Variants in EIF4E2 observed in about 807,000 individuals in gnomAD.
The protein encoded by EIF4E2 is eukaryotic translation initiation factor 4E family member 2.
Under a neutral mutation model 34.2 loss-of-function variants are expected in EIF4E2, and 13 were observed. The observed-to-expected ratio is 0.38, with a 90% CI of 0.25 to 0.60. EIF4E2 has a LOEUF of 0.60. EIF4E2 is among the 20% of genes least tolerant of loss of function. The pLI is 0.62. For synonymous variants in EIF4E2, 100 were observed against 106.6 expected (o/e 0.94, Z 0.38); for missense variants, 222 against 315.1 (o/e 0.70, Z 2.24).
At chr2:232,554,926 G>C (rs1692471154) in intron 1 of EIF4E2, among the ~76,000 whole-genome samples, 1 of 152,134 alleles carries the variant, frequency 6.6e-6, no homozygotes, top group African/African-American at 2.4e-5. Flanking sequence ...ATAGGTTATT[G>C]CCCAGGCTGG....
intron 6 of EIF4E2, among the ~76,000 whole-genome samples, chr2:232,578,951 T>G (rs528021103): frequency 5.3e-5 from 8 of 152,244 alleles, no homozygotes; most frequent in Admixed American, 1.3e-4. Flanking sequence ...GATAGACTTG[T>G]GGTGTCCAAT....
chr2:232,566,751 C>A lies in EIF4E2; in HGVS notation c.376-78C>A. On this transcript the variant is annotated intron_variant, in intron 4 of 6. Coordinates refer to ENST00000258416, the MANE Select transcript of EIF4E2 (RefSeq NM_004846.4). This position sits in a 1 kb window ranked among gnomAD's most constrained non-coding sequence, Gnocchi z 4.9. ...ATGACTTCTTAGTGTTTAAGAGATT[C>A]TTGGCTTTTTACTGCCTTCATACAA... is the stretch of plus-strand genomic sequence containing the variant. The A allele has an allele frequency of 1.3e-6, 2 of 1,535,248 alleles. No homozygotes were observed. The highest frequency in any genetic ancestry group is 1.2e-5 in the South Asian group (1 of 85,050).
intron 3 of EIF4E2, among the ~76,000 whole-genome samples, chr2:232,563,722 C>A (rs141805704): frequency 3.3e-5 from 5 of 152,256 alleles, no homozygotes; most frequent in African/African-American, 1.2e-4. Flanking sequence ...GTGGTTGATT[C>A]TATCACTTAT....
At position 232,567,160 on chromosome 2, in the gene EIF4E2, T is replaced by C; in HGVS notation, c.611T>C (p.Leu204Pro). 6.2e-7 allele frequency: 1 copy of C among 1,614,218 alleles called. No homozygotes were observed. Among genetic ancestry groups the C allele is most frequent in the Non-Finnish European group, 8.5e-7 (1 of 1,180,044 alleles). The change falls in exon 6 of 7, where the codon CTT (leucine) becomes CCT (proline). Residue 204 changes from leucine to proline, a missense_variant. Transcript: ENST00000258416. Reference sequence around the variant, plus strand: ...ATCCGGGACACACTTCGGCGAGTGCTTAACCTACCTCCCAACACCATTATG... The same window carrying C: ...ATCCGGGACACACTTCGGCGAGTGCCTAACCTACCTCCCAACACCATTATG... The part of the protein sequence containing the change: ...ARIRDTLRRV[L>P]NLPPNTIMEY...
downstream of EIF4E2, chr2:232,573,788 T>C (rs1693148460): frequency 3.2e-6 from 1 of 313,364 alleles, no homozygotes; most frequent in Non-Finnish European, 6.3e-6. Context: ...GTGTATACTT[T>C]CCTCCTTGCA....
At chr2:232,555,502 A>C (rs375946359) in intron 1 of EIF4E2, among the ~76,000 whole-genome samples, 9 of 152,352 alleles carry the variant, frequency 5.9e-5, no homozygotes, top group South Asian at 2.1e-4. Context: ...TGAAGCAAGA[A>C]CACATTTATT....
chr2:232,565,292 C>T (rs1002213470), intron 4 of EIF4E2, among the ~76,000 whole-genome samples: 4 of 152,172 alleles, frequency 2.6e-5, no homozygotes, highest in Admixed American at 2.0e-4. Context: ...TCCCAGTGCC[C>T]GCAGTGCCCT....
Position 232,564,298 on chromosome 2 carries a change from A to G in EIF4E2, c.322A>G (p.Thr108Ala). Residue 108 changes from threonine (T) to alanine (A), a missense_variant, in exon 4 of 7, where the codon ACA becomes GCA. Coordinates refer to ENST00000258416, the MANE Select transcript of EIF4E2 (RefSeq NM_004846.4). ...CCACATGGTACGTCCTGGGGACCTG[A>G]CAGGCCACAGTGACTTCCATCTCTT... ...YSHMVRPGDL[T>A]GHSDFHLFKE... The G allele has an allele frequency of 6.3e-7, 1 of 1,597,982 alleles. No homozygotes were observed.
intron 6 of EIF4E2, among the ~76,000 whole-genome samples, chr2:232,579,858 C>T (rs1693304148): frequency 6.6e-6 from 1 of 151,998 alleles, no homozygotes; most frequent in Admixed American, 6.6e-5. Context: ...CTCCAGAATC[C>T]AGGTAAAATT....
intron 1 of EIF4E2, among the ~76,000 whole-genome samples, chr2:232,554,706 A>G (rs2106234775): frequency 6.6e-6 from 1 of 152,320 alleles, no homozygotes; most frequent in Middle Eastern, 3.4e-3. Context: ...CAACAAAATG[A>G]AACTCCCCTC....
intron 1 of EIF4E2, among the ~76,000 whole-genome samples, chr2:232,554,158 T>G (rs2106234105): frequency 6.6e-6 from 1 of 152,308 alleles, no homozygotes; most frequent in Non-Finnish European, 1.5e-5. Flanking sequence ...ATGGGCAAGT[T>G]CAGAAGAGGA....
At chr2:232,559,070 A>G (rs915900179) in intron 3 of EIF4E2, among the ~76,000 whole-genome samples, 3 of 145,592 alleles carry the variant, frequency 2.1e-5, no homozygotes, top group Non-Finnish European at 3.0e-5. Context: ...TTTAAAATGC[A>G]GAAACTACGG....
chr2:232,552,124 C>T (rs892262327), intron 1 of EIF4E2, among the ~76,000 whole-genome samples: 1 of 152,176 alleles, frequency 6.6e-6, no homozygotes, highest in African/African-American at 2.4e-5. Flanking sequence ...TATGGGTCAT[C>T]TAGCTCAAGC....
intron 3 of EIF4E2, among the ~76,000 whole-genome samples, chr2:232,559,920 G>T (rs1053321276): frequency 6.6e-6 from 1 of 151,902 alleles, no homozygotes; most frequent in Admixed American, 6.6e-5. Flanking sequence ...GAGCCTAGGA[G>T]GTTAAGACTA....
chr2:232,574,294 A>G, intron 6 of EIF4E2: 1 of 1,550,536 alleles, frequency 6.4e-7, no homozygotes, highest in Non-Finnish European at 8.7e-7. Context: ...CCTGGTGAAC[A>G]GCAGCGGCCG....
Position 232,575,107 on chromosome 2 carries a change from C to T in EIF4E2, c.666-5797C>T, listed in dbSNP as rs998517946. Reference sequence around the variant, plus strand: ...GCCTTTTCCTGGACATCAAACTACCCCTGCCACTAACATCCCTAAGAAATA... The same window carrying T: ...GCCTTTTCCTGGACATCAAACTACCTCTGCCACTAACATCCCTAAGAAATA... On this transcript the variant is annotated intron_variant, in intron 6 of 6. Coordinates refer to the EIF4E2 transcript ENST00000409098. Among the ~76,000 whole-genome samples the T allele has an allele frequency of 2.6e-5, 4 of 152,228 alleles. No homozygotes were observed. The East Asian group carries it at 7.7e-4, about 29-fold the overall frequency.
In EIF4E2 at chr2:232,553,254, T is replaced by G. The variant is rs1692408313; in HGVS notation, c.20+2510T>G. 2.3e-5 allele frequency among the ~76,000 whole-genome samples: 3 copies of G among 132,016 alleles called. No homozygotes were observed. In the East Asian group the frequency reaches 7.2e-4, roughly 32 times the overall value. The allele number at this position is 132,016 out of a possible 152,430, so 86.6% of individuals were successfully genotyped here. A position where few individuals can be genotyped will look rare whatever the true frequency, so the allele number is the denominator to read the frequency against. On this transcript the variant is annotated intron_variant, in intron 1 of 6. Transcript: ENST00000258416. ...CTTTCACAAAAACTGCAGTCCTGACTTAAACATAGTTTTCAGATCTACACA... is the reference window on the plus strand; with the variant it reads ...CTTTCACAAAAACTGCAGTCCTGACGTAAACATAGTTTTCAGATCTACACA...
At chr2:232,568,870 G>A in intron 6 of EIF4E2, 75 bp from the exon 7 acceptor site, 1 of 1,598,334 alleles carries the variant, frequency 6.3e-7, no homozygotes, top group Non-Finnish European at 8.5e-7. Flanking sequence ...CCCTCTTTGA[G>A]ACCCAGATGC....
exon 7 of EIF4E2, chr2:232,583,566 G>C (rs1164754948): frequency 6.6e-6 from 1 of 152,116 alleles, no homozygotes; most frequent in Non-Finnish European, 1.5e-5. Flanking sequence ...CGGAGCAGAG[G>C]CTATGACAAG....
Sources: gnomAD v4.1 joint callset for allele counts (sites outside exome capture counted in the v4.1 genomes callset) on GRCh38, gnomAD v4.1.1 for gene constraint, Gnocchi (gnomAD v3.1) non-coding constraint, MANE v1.5 for transcripts, NCBI Gene and HGNC (gene_info 2026-07-23, HGNC 2026-07-21) for gene names.